CCDC149: variants seen among roughly 807,000 people sequenced by gnomAD.
CCDC149 encodes the protein coiled-coil domain-containing protein 149.
CCDC149 carries 45 observed loss-of-function variants against 59.9 expected under a neutral mutation model. The observed-to-expected ratio is 0.75, with a 90% CI of 0.59 to 0.96. The LOEUF is 0.96. Among genes scored for constraint, CCDC149 ranks in the 40% least tolerant of loss-of-function variants. The pLI, the probability that CCDC149 is intolerant of heterozygous loss-of-function variation, is 0.00. For synonymous variants in CCDC149, 245 were observed against 260.6 expected, an observed-to-expected ratio of 0.94 and a Z score of 0.58; for missense variants, 584 against 664.7, an observed-to-expected ratio of 0.88 and a Z score of 1.33.
At chr4:24,894,788 CA>C (rs1404928489) in intron 1 of CCDC149, among the ~76,000 whole-genome samples, 1 of 151,482 alleles carries the variant, frequency 6.6e-6, no homozygotes, top group Non-Finnish European at 1.5e-5. Context: ...CATGTATATT[CA>C]AAAAAACTAA....
At chr4:24,916,987 G>A (rs946572174), upstream of CCDC149, among the ~76,000 whole-genome samples, 1 of 152,100 alleles carries the variant, frequency 6.6e-6, no homozygotes, top group African/African-American at 2.4e-5. Context: ...CAGGCCTCCT[G>A]CAGAGGCCTG....
intron 1 of CCDC149, among the ~76,000 whole-genome samples, chr4:24,959,888 G>A (rs534119472): frequency 1.3e-5 from 2 of 152,146 alleles, no homozygotes; most frequent in Non-Finnish European, 1.5e-5. Flanking sequence ...CAGTAGACCT[G>A]CACTACAACA....
At chr4:24,880,000 G>T (rs1009548231) in intron 1 of CCDC149, among the ~76,000 whole-genome samples, 1 of 152,210 alleles carries the variant, frequency 6.6e-6, no homozygotes, top group African/African-American at 2.4e-5. Flanking sequence ...GAGCCATTCC[G>T]GTGAGTGTCT....
chr4:24,870,941 G>T (rs1273513356), intron 3 of CCDC149, among the ~76,000 whole-genome samples: 1 of 151,366 alleles, frequency 6.6e-6, no homozygotes, highest in East Asian at 1.9e-4. Flanking sequence ...GCAACTCGGG[G>T]GGCTAAGGCA....
At chr4:24,965,559 A>T (rs554228162) in intron 1 of CCDC149, among the ~76,000 whole-genome samples, 5 of 152,388 alleles carry the variant, frequency 3.3e-5, no homozygotes, top group African/African-American at 9.6e-5. Context: ...CAAAATTAAC[A>T]ATTAAATTAG....
At chr4:24,965,861 A>AC (rs1391631488) in intron 1 of CCDC149, among the ~76,000 whole-genome samples, 1 of 152,114 alleles carries the variant, frequency 6.6e-6, no homozygotes, top group Non-Finnish European at 1.5e-5. Context: ...CAGGCGCAAA[A>AC]CCCCGCACGT....
At chr4:24,912,704 G>T (rs376304875) in intron 1 of CCDC149, 113 bp downstream of exon 1, 21,198 of 707,346 alleles carry the variant, frequency 0.03, 437 homozygotes, top group Non-Finnish European at 0.036. Context: ...GCGGCCACTT[G>T]GAGTGCGCGC....
chr4:24,904,493 T>C (rs990333029), intron 1 of CCDC149, among the ~76,000 whole-genome samples: 1 of 152,236 alleles, frequency 6.6e-6, no homozygotes, highest in Non-Finnish European at 1.5e-5. Flanking sequence ...TTGAGTTACA[T>C]ACATAGATGT....
intron 3 of CCDC149, among the ~76,000 whole-genome samples, chr4:24,867,923 T>C (rs751256874): frequency 1.6e-4 from 25 of 152,228 alleles, no homozygotes; most frequent in Non-Finnish European, 2.5e-4. Context: ...ACGCACATTG[T>C]GGTGTCTTCT....
chr4:24,873,953 A>C (rs1378186608), intron 2 of CCDC149, among the ~76,000 whole-genome samples: 1 of 150,470 alleles, frequency 6.6e-6, no homozygotes, highest in Non-Finnish European at 1.5e-5. Context: ...CCAAATCTAT[A>C]TATTTCCTAA....
intron 9 of CCDC149, among the ~76,000 whole-genome samples, chr4:24,824,019 A>T (rs1379304365): frequency 6.6e-6 from 1 of 152,216 alleles, no homozygotes; most frequent in Non-Finnish European, 1.5e-5. Flanking sequence ...AGATGCAATC[A>T]CAACTGTTCA....
At chr4:24,907,257 T>C (rs1244858935) in intron 1 of CCDC149, among the ~76,000 whole-genome samples, 1 of 152,184 alleles carries the variant, frequency 6.6e-6, no homozygotes, top group East Asian at 1.9e-4. Flanking sequence ...ATGAGGTAGG[T>C]ACTTTTACTA....
At chr4:24,843,374 C>T (rs1453813273) in intron 4 of CCDC149, among the ~76,000 whole-genome samples, 1 of 152,146 alleles carries the variant, frequency 6.6e-6, no homozygotes, top group Non-Finnish European at 1.5e-5. Flanking sequence ...AACATTCATC[C>T]GGAGTGGCAC....
chr4:24,895,857 C>T (rs1044841384), intron 1 of CCDC149, among the ~76,000 whole-genome samples: 4 of 152,190 alleles, frequency 2.6e-5, no homozygotes, highest in African/African-American at 9.7e-5. Context: ...ACTCCTTAGC[C>T]CACTGTTGCT....
In CCDC149 at chr4:24,837,205, C is replaced by T. The variant is rs1177239544; in HGVS notation, c.662+23G>A. On this transcript the variant is annotated intron_variant, in intron 6 of 12. Transcript: ENST00000635206. This position sits in a 1 kb window ranked among gnomAD's most constrained non-coding sequence, Gnocchi z 4.3. ...GCAGAGCCAGCCTTCCTCCCACGCA[C>T]AGGCCTGGGCCTGGCCACTTGCCTG... is the stretch of plus-strand genomic sequence containing the variant. The T allele has an allele frequency of 1.2e-6, 2 of 1,610,068 alleles. No individual in the cohort carries two copies. The highest frequency in any genetic ancestry group is 1.7e-5 in the Admixed American group (1 of 59,892).
At chr4:24,963,906 A>T (rs939177358) in intron 1 of CCDC149, among the ~76,000 whole-genome samples, 1 of 152,242 alleles carries the variant, frequency 6.6e-6, no homozygotes, top group Non-Finnish European at 1.5e-5. Context: ...TCATGCCTAT[A>T]ATCCTAGCAC....
chr4:24,887,148 C>T (rs911913322), intron 1 of CCDC149, among the ~76,000 whole-genome samples: 22 of 151,956 alleles, frequency 1.4e-4, no homozygotes, highest in Admixed American at 5.9e-4. Flanking sequence ...TAAAGCAAAT[C>T]ATAATTGCTA....
chr4:24,872,131 G>A (rs73250608), intron 3 of CCDC149, among the ~76,000 whole-genome samples: 11,811 of 152,294 alleles, frequency 0.078, 473 homozygotes, highest in Middle Eastern at 0.095. Flanking sequence ...ATGTGGTAGA[G>A]CCACAGGACT....
At chr4:24,887,679 A>G (rs1720268898) in intron 1 of CCDC149, among the ~76,000 whole-genome samples, 1 of 152,002 alleles carries the variant, frequency 6.6e-6, no homozygotes, top group Non-Finnish European at 1.5e-5. Context: ...CCATGCCTGG[A>G]ACCTCTGTTT....
Sources: gnomAD v4.1 joint callset for allele counts (sites outside exome capture counted in the v4.1 genomes callset) on GRCh38, gnomAD v4.1.1 for gene constraint, Gnocchi (gnomAD v3.1) non-coding constraint, MANE v1.5 for transcripts, NCBI Gene and HGNC (gene_info 2026-07-23, HGNC 2026-07-21) for gene names.